The following ITGB5 variants were observed in gnomAD, a reference collection of about 807,000 sequenced individuals.
ITGB5 encodes integrin subunit beta 5, also known as integrin beta-5.
A neutral mutation model predicts 84.8 loss-of-function variants in ITGB5; 38 were observed. That is an observed-to-expected ratio of 0.45 (90% CI 0.35 to 0.59). The LOEUF (loss-of-function observed/expected upper bound fraction) is 0.59. Ranked by LOEUF, ITGB5 falls within the 20% of genes least tolerant of loss-of-function variation. ITGB5 has a pLI of 0.01. For missense variants in ITGB5, 905 were observed against 1,034.5 expected (o/e 0.87, Z 1.72); for synonymous variants, 393 against 414.4 (o/e 0.95, Z 0.63).
Position 124,764,510 on chromosome 3 carries a change from C to T in ITGB5, c.2185G>A (p.Gly729Ser), listed in dbSNP as rs150010404. The part of the protein sequence containing the change: ...NAMTILLAVV[G>S]SILLVGLALL... ...GCAAGCCCAACAAGGAGGATGCTACCGACCACAGCCAGGAGGATGGTCATG... is the reference window on the plus strand; with the variant it reads ...GCAAGCCCAACAAGGAGGATGCTACTGACCACAGCCAGGAGGATGGTCATG... Residue 729 changes from glycine to serine, a missense_variant, in exon 14 of 15, where the codon GGT becomes AGT. This residue lies in a region of ITGB5 where 133 missense variants were observed against 122.8 expected (regional missense o/e 1.08). Transcript: ENST00000296181. 3.5e-5 allele frequency: 56 copies of T among 1,613,800 alleles called. No homozygotes were observed. Among genetic ancestry groups the T allele is most frequent in the Non-Finnish European group, 4.3e-5 (51 of 1,179,904 alleles).
chr3:124,777,322 G>A (rs1387819570), intron 10 of ITGB5, among the ~76,000 whole-genome samples: 1 of 152,204 alleles, frequency 6.6e-6, no homozygotes, highest in African/African-American at 2.4e-5. Flanking sequence ...GTGAGCCAGT[G>A]GGAGCCACGG....
At chr3:124,880,729 A>G (rs1277944021) in intron 1 of ITGB5, among the ~76,000 whole-genome samples, 1 of 152,102 alleles carries the variant, frequency 6.6e-6, no homozygotes, top group Admixed American at 6.5e-5. Context: ...GGAGTTCAAG[A>G]CCAACCTGGC....
chr3:124,866,643 G>A (rs2065394423), intron 2 of ITGB5, among the ~76,000 whole-genome samples: 1 of 152,194 alleles, frequency 6.6e-6, no homozygotes, highest in South Asian at 2.1e-4. Flanking sequence ...GAGCCCAGGG[G>A]AGAAGTGGAC....
At chr3:124,881,440 C>T (rs1934567122) in intron 1 of ITGB5, among the ~76,000 whole-genome samples, 1 of 152,148 alleles carries the variant, frequency 6.6e-6, no homozygotes, top group Non-Finnish European at 1.5e-5. Flanking sequence ...CTGCAGCCCC[C>T]AGTCTCTCTA....
chr3:124,820,913 C>A (rs191873660), intron 6 of ITGB5, among the ~76,000 whole-genome samples: 1 of 152,186 alleles, frequency 6.6e-6, no homozygotes. Context: ...TGGGAGCCCA[C>A]GTCTAGAAGT....
intron 9 of ITGB5, among the ~76,000 whole-genome samples, chr3:124,806,742 C>T (rs1046681172): frequency 9.6e-4 from 145 of 151,828 alleles, no homozygotes; most frequent in African/African-American, 3.3e-3. Context: ...TGGCCTCATT[C>T]CATTTTTTAT....
At chr3:124,772,889 G>A (rs1162674031) in intron 11 of ITGB5, among the ~76,000 whole-genome samples, 2 of 151,708 alleles carry the variant, frequency 1.3e-5, no homozygotes, top group South Asian at 2.1e-4. Context: ...TATCTAGGTC[G>A]GGTGCCTTTC....
chr3:124,896,555 C>T (rs956613296), intron 1 of ITGB5, among the ~76,000 whole-genome samples: 2 of 151,852 alleles, frequency 1.3e-5, no homozygotes, highest in African/African-American at 4.8e-5. Flanking sequence ...TTGAAACAGA[C>T]CAGCATGGGC....
intron 1 of ITGB5, among the ~76,000 whole-genome samples, chr3:124,897,960 G>A (rs2107662454): frequency 1.3e-5 from 2 of 152,310 alleles, no homozygotes; most frequent in South Asian, 4.1e-4. Flanking sequence ...GGGGGGAAAT[G>A]AGGTGCAGTA....
Position 124,797,183 on chromosome 3 carries a change from C to T in ITGB5, c.1264-366G>A, listed in dbSNP as rs61761671. On this transcript the variant is annotated intron_variant, in intron 9 of 14. Coordinates refer to ENST00000296181, the MANE Select transcript of ITGB5 (RefSeq NM_002213.5). ...TTCTGTCCTATCCTCTTCCCAGCCC[C>T]GCTGCAGATGCCTCTTCTCTGCTCA... 1.6e-3 allele frequency among the ~76,000 whole-genome samples: 240 copies of T among 152,334 alleles called. 1 individual carries two copies. The highest frequency in any genetic ancestry group is 4.8e-3 in the African/African-American group (200 of 41,578).
intron 2 of ITGB5, among the ~76,000 whole-genome samples, chr3:124,864,096 CTTTTTTTTT>C (rs558311822): frequency 6.6e-5 from 3 of 45,468 alleles, no homozygotes; most frequent in Admixed American, 3.6e-4. Flanking sequence ...ACCTATATTT[CTTTTTTTTT>C]TTTTTTTTTT....
Position 124,766,306 on chromosome 3 carries a change from G to T in ITGB5, c.2057C>A (p.Thr686Asn). 1 of 1,614,142 alleles carries T rather than the reference G, an allele frequency of 6.2e-7. No individual in the cohort carries two copies. The highest frequency in any genetic ancestry group is 8.5e-7 in the Non-Finnish European group (1 of 1,180,022). Residue 686 changes from threonine (T) to asparagine (N), a missense_variant, in exon 13 of 15, where the codon ACC becomes AAC. By Grantham distance (65) the Thr-to-Asn change is moderately conservative (BLOSUM62 0). This residue lies in a region of ITGB5 where 116 missense variants were observed against 177.0 expected (regional missense o/e 0.66). Coordinates refer to ENST00000296181, the MANE Select transcript of ITGB5 (RefSeq NM_002213.5). ...GAACATCATGACGCAGTCCTTGGCG[G>T]TTTTGTAGAAACATAGCACAGCCTC... ...DQEAVLCFYKTAKDCVMMFTY... is the reference protein window; with the variant it reads ...DQEAVLCFYKNAKDCVMMFTY...
At chr3:124,861,495 T>TATATACAC (rs750712591) in intron 2 of ITGB5, among the ~76,000 whole-genome samples, 122 of 112,000 alleles carry the variant, frequency 1.1e-3, no homozygotes, top group African/African-American at 4.2e-3. Flanking sequence ...TATATATATA[T>TATATACAC]ACACACACAC....
intron 2 of ITGB5, among the ~76,000 whole-genome samples, chr3:124,865,450 AGAAAGTT>A (rs2065371918): frequency 6.7e-6 from 1 of 150,146 alleles, no homozygotes; most frequent in Non-Finnish European, 1.5e-5. Context: ...GAATGGCAAT[AGAAAGTT>A]GAAGTGTCCT....
chr3:124,762,561 G>A lies in ITGB5; in HGVS notation c.*1062C>T, dbSNP rs2063709985. 1 of 152,240 alleles carries A rather than the reference G, an allele frequency of 6.6e-6. No individual in the cohort carries two copies. Among genetic ancestry groups the A allele is most frequent in the Non-Finnish European group, 1.5e-5 (1 of 68,052 alleles). The allele number at this position is 152,240 out of a possible 1,614,324, so 9.4% of individuals were successfully genotyped here. The stretch of plus-strand genomic sequence containing the variant: ...TGCATTGGGCCTGCATGGGACGTAA[G>A]TGTTTCGGGAGTGAGGGGAGGCCTT... On this transcript the variant is annotated 3_prime_UTR_variant, in exon 15 of 15. Transcript: ENST00000296181.
At chr3:124,897,188 G>T (rs532189127) in intron 1 of ITGB5, among the ~76,000 whole-genome samples, 64 of 152,250 alleles carry the variant, frequency 4.2e-4, no homozygotes, top group South Asian at 3.7e-3. Flanking sequence ...CTTCCTTTGT[G>T]AAGCCTTCCA....
Position 124,841,382 on chromosome 3 carries a change from C to T in ITGB5, c.780+1G>A. On this transcript the variant is annotated splice_donor_variant, in intron 5 of 14. Coordinates refer to ENST00000296181, the MANE Select transcript of ITGB5 (RefSeq NM_002213.5). LOFTEE classifies it high-confidence loss of function. ...GGGACAGGACCAGAAAGGAAAGTTA[C>T]CTTGCAGACGGCTGCCTGGAGTACT... is the stretch of plus-strand genomic sequence containing the variant. The T allele has an allele frequency of 5.0e-6, 8 of 1,613,392 alleles. No homozygotes were observed. The highest frequency in any genetic ancestry group is 6.8e-6 in the Non-Finnish European group (8 of 1,179,632).
intron 10 of ITGB5, among the ~76,000 whole-genome samples, chr3:124,785,236 G>T (rs913689117): frequency 3.9e-5 from 6 of 152,176 alleles, no homozygotes; most frequent in Admixed American, 6.5e-5. Flanking sequence ...GTAATAACAA[G>T]TAAATGAGAT....
At chr3:124,854,458 A>C (rs541397848) in intron 3 of ITGB5, among the ~76,000 whole-genome samples, 1 of 152,382 alleles carries the variant, frequency 6.6e-6, no homozygotes, top group South Asian at 2.1e-4. Context: ...ACATGCTACA[A>C]CATGGATGAA....
Sources: allele counts gnomAD v4.1 joint callset (sites outside exome capture counted in the v4.1 genomes callset), GRCh38; gene constraint gnomAD v4.1.1; regional missense constraint gnomAD v4.1.1; transcripts MANE v1.5; gene names NCBI Gene and HGNC (gene_info 2026-07-23, HGNC 2026-07-21).